Variants in FRY observed in about 807,000 individuals in gnomAD.
The protein encoded by FRY is FRY microtubule binding protein, also known as protein furry homolog.
FRY carries 128 observed loss-of-function variants against 348.4 expected under a neutral mutation model. The observed-to-expected ratio is 0.37, with a 90% CI of 0.32 to 0.43. The LOEUF is 0.43. Ranked by LOEUF, FRY falls within the 20% of genes least tolerant of loss-of-function variation. The pLI, the probability that FRY is intolerant of heterozygous loss-of-function variation, is 1.00. For synonymous variants in FRY, 1,370 were observed against 1,374.7 expected (o/e 1.00, Z 0.08); for missense variants, 2,736 against 3,695.2 (o/e 0.74, Z 6.73).
Position 32,175,540 on chromosome 13 carries a change from G to A in FRY, c.2335-6G>A. On this transcript the variant is annotated splice_region_variant and splice_polypyrimidine_tract_variant and intron_variant, in intron 19 of 60. Coordinates refer to ENST00000542859, the MANE Select transcript of FRY (RefSeq NM_023037.3). The stretch of plus-strand genomic sequence containing the variant: ...CATAGAGAGTAATCGCCTCCCCTTT[G>A]TACAGGATGACGACAGGCCGATGAT... 6.3e-7 allele frequency: 1 copy of A among 1,594,174 alleles called. No individual in the cohort carries two copies. Among genetic ancestry groups the A allele is most frequent in the Non-Finnish European group, 8.6e-7 (1 of 1,161,780 alleles).
chr13:32,184,755 GTCTC>G, intron 25 of FRY, 64 bp downstream of exon 25: 3 of 1,079,768 alleles, frequency 2.8e-6, no homozygotes, highest in Non-Finnish European at 4.3e-6. Flanking sequence ...TTTTCTTTCT[GTCTC>G]TCTCTTTTGT....
chr13:32,275,339 G>T (rs989866417), intron 56 of FRY, among the ~76,000 whole-genome samples: 6 of 151,622 alleles, frequency 4.0e-5, no homozygotes, highest in Admixed American at 2.0e-4. Context: ...AGTGAGCCGA[G>T]ATCACACCAC....
At chr13:32,056,188 TAA>T (rs1252421652) in intron 1 of FRY, among the ~76,000 whole-genome samples, 23 of 119,736 alleles carry the variant, frequency 1.9e-4, no homozygotes, top group Non-Finnish European at 1.5e-4. Flanking sequence ...AGACTCCATC[TAA>T]AAAAAAAAAA....
chr13:32,049,584 G>A (rs886470885), intron 1 of FRY, among the ~76,000 whole-genome samples: 2 of 152,010 alleles, frequency 1.3e-5, no homozygotes, highest in African/African-American at 4.8e-5. Context: ...ACAGGCGCTC[G>A]CCACCACACC....
At chr13:32,148,627 T>C (rs1206985505) in intron 13 of FRY, among the ~76,000 whole-genome samples, 1 of 152,228 alleles carries the variant, frequency 6.6e-6, no homozygotes, top group African/African-American at 2.4e-5. Context: ...GTCCAGCCTC[T>C]GCCATGAGCC....
intron 1 of FRY, among the ~76,000 whole-genome samples, chr13:32,048,733 A>G (rs1873162330): frequency 6.6e-6 from 1 of 152,138 alleles, no homozygotes; most frequent in Non-Finnish European, 1.5e-5. Flanking sequence ...CACGTGGGGA[A>G]TGCTGCTGTT....
At chr13:32,054,990 T>C (rs757245656) in intron 1 of FRY, among the ~76,000 whole-genome samples, 1 of 152,218 alleles carries the variant, frequency 6.6e-6, no homozygotes, top group Admixed American at 6.5e-5. Flanking sequence ...ATGTTTTGAG[T>C]TATAGATACA....
At chr13:32,199,365 C>T (rs1383151694) in intron 29 of FRY, among the ~76,000 whole-genome samples, 3 of 152,170 alleles carry the variant, frequency 2.0e-5, no homozygotes, top group African/African-American at 4.8e-5. Context: ...GAATATGTGG[C>T]AGCTATTAGG....
At chr13:32,104,441 A>G (rs748631967) in intron 3 of FRY, among the ~76,000 whole-genome samples, 6 of 152,220 alleles carry the variant, frequency 3.9e-5, no homozygotes, top group Non-Finnish European at 5.9e-5. Flanking sequence ...TCACATGCAC[A>G]TTAACGCTTG....
Position 32,099,163 on chromosome 13 carries a change from GTAAAAC to G in FRY, c.271-2798_271-2793del, listed in dbSNP as rs1876981141. Among the ~76,000 whole-genome samples the G allele has an allele frequency of 1.3e-5, 2 of 151,932 alleles. 1 individual carries two copies. The highest frequency in any genetic ancestry group is 4.8e-5 in the African/African-American group (2 of 41,240). ...TGCTAGGGAACCTGCATTGGCCAAA[GTAAAAC>G]TTAATATTTTTTGATATATAACTTT... On this transcript the variant is annotated intron_variant, in intron 2 of 60. Transcript: ENST00000542859.
At position 32,254,389 on chromosome 13, in the gene FRY, GGA is replaced by G; in HGVS notation, c.7415_7416del (p.Glu2472GlyfsTer2). The stretch of plus-strand genomic sequence containing the variant: ...CTTCCTAGATGTGGAGCTGGAGGAT[GGA>G]GAGGTACGGTGTATTCTCTGTAAAA... ...FDFLDVELED[G>X]EGESMDNFNW... is the part of the protein sequence containing the mutation. On this transcript the variant is annotated frameshift_variant, in exon 51 of 61. Transcript: ENST00000542859. LOFTEE classifies it high-confidence loss of function. The G allele has an allele frequency of 6.2e-7, 1 of 1,613,592 alleles. No individual in the cohort carries two copies. Among genetic ancestry groups the G allele is most frequent in the Non-Finnish European group, 8.5e-7 (1 of 1,179,520 alleles).
intron 1 of FRY, among the ~76,000 whole-genome samples, chr13:32,037,936 T>C (rs1872600646): frequency 6.6e-6 from 1 of 152,240 alleles, no homozygotes; most frequent in African/African-American, 2.4e-5. Context: ...TTTACTATGT[T>C]AGGGGCTGTT....
chr13:32,275,032 C>A, intron 56 of FRY, 41 bp downstream of exon 56: 1 of 1,562,578 alleles, frequency 6.4e-7, no homozygotes. Context: ...AGGGCCTACG[C>A]AACCTACAGT....
intron 2 of FRY, among the ~76,000 whole-genome samples, chr13:32,100,514 A>G (rs1877085388): frequency 1.3e-5 from 2 of 152,180 alleles, no homozygotes; most frequent in East Asian, 1.9e-4. Flanking sequence ...AAATTGGCAA[A>G]TAAGTTTATT....
chr13:32,270,239 CTCTTGTTGCCCAGGCTAGA>C (rs1266371598), intron 55 of FRY, among the ~76,000 whole-genome samples: 2 of 147,948 alleles, frequency 1.4e-5, no homozygotes, highest in African/African-American at 5.0e-5. Flanking sequence ...TGGAGTTTCA[CTCTTGTTGCCCAGGCTAGA>C]GTGTAATGGC....
intron 55 of FRY, among the ~76,000 whole-genome samples, chr13:32,274,500 C>G (rs529287934): frequency 6.7e-6 from 1 of 148,998 alleles, no homozygotes; most frequent in East Asian, 1.9e-4. Flanking sequence ...AAGGTCAGAT[C>G]GAGACCATCC....
chr13:32,101,148 C>T (rs772239696), intron 2 of FRY, among the ~76,000 whole-genome samples: 3 of 152,172 alleles, frequency 2.0e-5, no homozygotes, highest in Admixed American at 6.5e-5. Flanking sequence ...CTGGTAACTA[C>T]CATTCTAGTC....
At chr13:32,216,485 C>T (rs1178536450) in intron 35 of FRY, among the ~76,000 whole-genome samples, 1 of 152,314 alleles carries the variant, frequency 6.6e-6, no homozygotes, top group African/African-American at 2.4e-5. Flanking sequence ...GTCATCCATC[C>T]TGTAGTTCTT....
chr13:32,277,393 T>A (rs1888583446), intron 57 of FRY, among the ~76,000 whole-genome samples: 2 of 152,212 alleles, frequency 1.3e-5, no homozygotes, highest in Non-Finnish European at 2.9e-5. Context: ...GCAGCTATCA[T>A]TTCCTGAGTC....
Sources: gnomAD v4.1 joint callset for allele counts (sites outside exome capture counted in the v4.1 genomes callset) on GRCh38, gnomAD v4.1.1 for gene constraint, MANE v1.5 for transcripts, NCBI Gene and HGNC (gene_info 2026-07-23, HGNC 2026-07-21) for gene names.